Variants in KCTD8 observed in about 807,000 individuals in gnomAD.
KCTD8 encodes the protein potassium channel tetramerization domain containing 8.
In KCTD8, 27 loss-of-function variants were observed where a neutral mutation model predicts 31.5. The ratio of observed to expected loss-of-function variants is 0.86; its 90% CI spans 0.63 to 1.18. The LOEUF (loss-of-function observed/expected upper bound fraction) is 1.18, where lower values mean the gene tolerates loss of function less well. Among genes scored for constraint, KCTD8 ranks in the 50% most tolerant of loss-of-function variants. The pLI is 0.00. For synonymous variants in KCTD8, 290 were observed against 280.0 expected (o/e 1.04, Z -0.36); for missense variants, 658 against 647.7 (o/e 1.02, Z -0.17).
intron 1 of KCTD8, among the ~76,000 whole-genome samples, chr4:44,228,336 G>GT (rs1295445336): frequency 6.6e-6 from 1 of 152,030 alleles, no homozygotes; most frequent in Non-Finnish European, 1.5e-5. Flanking sequence ...TTATTAGGAC[G>GT]TAAGTCATAT....
At chr4:44,247,041 T>C (rs1715687755) in intron 1 of KCTD8, among the ~76,000 whole-genome samples, 1 of 152,020 alleles carries the variant, frequency 6.6e-6, no homozygotes, top group Non-Finnish European at 1.5e-5. Flanking sequence ...ATTTCCAATT[T>C]ATATCCATAG....
At chr4:44,335,744 A>T (rs1718722683) in intron 1 of KCTD8, among the ~76,000 whole-genome samples, 1 of 152,184 alleles carries the variant, frequency 6.6e-6, no homozygotes, top group South Asian at 2.1e-4. Flanking sequence ...TGTTATATTT[A>T]CAATATAGAT....
chr4:44,203,618 G>T (rs1337015373), intron 1 of KCTD8, among the ~76,000 whole-genome samples: 1 of 150,206 alleles, frequency 6.7e-6, no homozygotes, highest in African/African-American at 2.4e-5. Flanking sequence ...TAATATGAAA[G>T]AAAGGCAGAA....
intron 1 of KCTD8, among the ~76,000 whole-genome samples, chr4:44,446,340 C>A (rs1020488643): frequency 6.6e-6 from 1 of 152,202 alleles, no homozygotes; most frequent in Admixed American, 6.5e-5. Flanking sequence ...CTATTTCCAT[C>A]ACAGGATTTC....
At chr4:44,442,344 T>C (rs971413803) in intron 1 of KCTD8, among the ~76,000 whole-genome samples, 89 of 152,292 alleles carry the variant, frequency 5.8e-4, no homozygotes, top group African/African-American at 1.9e-3. Flanking sequence ...CCCAGCACTT[T>C]GGGAGTCCTA....
chr4:44,313,920 C>T (rs934695307), intron 1 of KCTD8, among the ~76,000 whole-genome samples: 3 of 152,090 alleles, frequency 2.0e-5, no homozygotes, highest in African/African-American at 4.8e-5. Context: ...GCCAAACTTA[C>T]GGAAATGGAA....
chr4:44,370,883 C>T (rs1719765325), intron 1 of KCTD8, among the ~76,000 whole-genome samples: 1 of 152,010 alleles, frequency 6.6e-6, no homozygotes, highest in African/African-American at 2.4e-5. Context: ...CAAGGTTCTC[C>T]AAAGAAACAG....
intron 1 of KCTD8, among the ~76,000 whole-genome samples, chr4:44,222,693 G>C (rs765535770): frequency 6.6e-6 from 1 of 152,184 alleles, no homozygotes; most frequent in Non-Finnish European, 1.5e-5. Flanking sequence ...GCTGTGTCTG[G>C]AACTATACAC....
intron 1 of KCTD8, among the ~76,000 whole-genome samples, chr4:44,192,241 C>A (rs1713785390): frequency 6.6e-6 from 1 of 152,118 alleles, no homozygotes. Context: ...CAAATCTAAT[C>A]ATTGTGTATT....
chr4:44,305,779 T>C (rs566311997), intron 1 of KCTD8, among the ~76,000 whole-genome samples: 10 of 152,024 alleles, frequency 6.6e-5, no homozygotes, highest in African/African-American at 2.4e-4. Context: ...TTTGTAAGTA[T>C]AAATTAGACA....
At chr4:44,383,307 GA>G (rs1720122927) in intron 1 of KCTD8, among the ~76,000 whole-genome samples, 2 of 151,952 alleles carry the variant, frequency 1.3e-5, no homozygotes, top group Admixed American at 6.6e-5. Flanking sequence ...CACAGAAATA[GA>G]AAAAAACAAT....
chr4:44,311,040 G>A (rs1395078757), intron 1 of KCTD8, among the ~76,000 whole-genome samples: 1 of 143,782 alleles, frequency 7.0e-6, no homozygotes, highest in Non-Finnish European at 1.6e-5. Flanking sequence ...ATTTCATCTT[G>A]ATGATTCCTC....
intron 1 of KCTD8, among the ~76,000 whole-genome samples, chr4:44,405,817 CAAAAA>C (rs903559298): frequency 6.2e-5 from 2 of 32,230 alleles, no homozygotes; most frequent in Non-Finnish European, 1.1e-4. Context: ...TCCTGTTTCT[CAAAAA>C]AAAAAAAAAA....
At chr4:44,392,458 C>CT (rs1479159968) in intron 1 of KCTD8, among the ~76,000 whole-genome samples, 1 of 151,966 alleles carries the variant, frequency 6.6e-6, no homozygotes, top group African/African-American at 2.4e-5. Context: ...ATAGTTTCAC[C>CT]TATCATTGAG....
chr4:44,225,815 C>CTTTTTTTTTTTTTTTT (rs35751540), intron 1 of KCTD8, among the ~76,000 whole-genome samples: 1 of 74,450 alleles, frequency 1.3e-5, no homozygotes, highest in African/African-American at 5.4e-5. Flanking sequence ...GGTTTTGTCT[C>CTTTTTTTTTTTTTTTT]TTTTTTTTTT....
intron 1 of KCTD8, among the ~76,000 whole-genome samples, chr4:44,244,843 G>A (rs1249422751): frequency 1.2e-5 from 1 of 84,240 alleles, no homozygotes; most frequent in Non-Finnish European, 2.6e-5. Flanking sequence ...TTTCCCTGTA[G>A]TTGTGGGGGG....
At chr4:44,395,353 G>A (rs1038244838) in intron 1 of KCTD8, among the ~76,000 whole-genome samples, 3 of 152,050 alleles carry the variant, frequency 2.0e-5, no homozygotes, top group South Asian at 4.1e-4. Context: ...GCTAGGGGCC[G>A]AAAAGACCCT....
At chr4:44,355,209 G>C (rs1719312385) in intron 1 of KCTD8, among the ~76,000 whole-genome samples, 1 of 152,106 alleles carries the variant, frequency 6.6e-6, no homozygotes, top group Admixed American at 6.6e-5. Context: ...ATTGTTGAAA[G>C]AGAATTATCA....
At chr4:44,439,047 G>A (rs1264720077) in intron 1 of KCTD8, among the ~76,000 whole-genome samples, 1 of 152,194 alleles carries the variant, frequency 6.6e-6, no homozygotes, top group African/African-American at 2.4e-5. Context: ...CATTCATTGT[G>A]TTCAAGTATT....
Sources: gnomAD v4.1 joint callset for allele counts (sites outside exome capture counted in the v4.1 genomes callset) on GRCh38, gnomAD v4.1.1 for gene constraint, MANE v1.5 for transcripts, NCBI Gene and HGNC (gene_info 2026-07-23, HGNC 2026-07-21) for gene names.